Variants in SH3PXD2B observed in about 807,000 individuals in gnomAD.
The protein encoded by SH3PXD2B is SH3 and PX domains 2B.
A neutral mutation model predicts 73.1 loss-of-function variants in SH3PXD2B; 37 were observed. The ratio of observed to expected loss-of-function variants is 0.51; its 90% CI spans 0.39 to 0.67. The LOEUF (loss-of-function observed/expected upper bound fraction) is 0.67. SH3PXD2B is among the 30% of genes least tolerant of loss of function. The pLI, the probability that SH3PXD2B is intolerant of heterozygous loss-of-function variation, is 0.00. For missense variants in SH3PXD2B, 1,053 were observed against 1,197.8 expected, an observed-to-expected ratio of 0.88 and a Z score of 1.78; for synonymous variants, 457 against 480.5, an observed-to-expected ratio of 0.95 and a Z score of 0.64.
At chr5:172,359,170 T>C (rs540852927) in intron 7 of SH3PXD2B, among the ~76,000 whole-genome samples, 29 of 152,116 alleles carry the variant, frequency 1.9e-4, no homozygotes, top group African/African-American at 6.3e-4. Flanking sequence ...ATGGATTGCT[T>C]GAGTTCAGGA....
intron 6 of SH3PXD2B, among the ~76,000 whole-genome samples, chr5:172,364,878 G>C (rs970284371): frequency 5.3e-5 from 8 of 152,174 alleles, no homozygotes; most frequent in African/African-American, 1.9e-4. Context: ...CTCCACTGGA[G>C]AGCTGGTAGT....
chr5:172,391,842 T>A (rs1758195985), intron 4 of SH3PXD2B, among the ~76,000 whole-genome samples: 1 of 152,222 alleles, frequency 6.6e-6, no homozygotes, highest in Non-Finnish European at 1.5e-5. Flanking sequence ...TTTATCAGTT[T>A]TTCTTTAAAG....
Position 172,358,784 on chromosome 5 carries a change from T to C in SH3PXD2B, c.656A>G (p.Gln219Arg). The change falls in exon 8 of 13, where the codon CAG (glutamine) becomes CGG (arginine). Residue 219 changes from glutamine to arginine, a missense_variant. By Grantham distance (43) the Gln-to-Arg change is conservative (BLOSUM62 1). Around this residue, in one of 2 missense-constraint regions of SH3PXD2B, gnomAD observed 466 missense variants for 607.1 expected, o/e 0.77. Transcript: ENST00000311601. ...GAGCTCCTCCCTACCTTCTTCAGGC[T>C]GCAGAGAAAACTCATCCTGCACCCC... ...QDGVQDEFSL[Q>R]PEEEEKYTVI... is the part of the protein sequence containing the mutation. 1 of 1,612,768 alleles carries C rather than the reference T, an allele frequency of 6.2e-7. No homozygotes were observed. Among genetic ancestry groups the C allele is most frequent in the Non-Finnish European group, 8.5e-7 (1 of 1,179,548 alleles).
At chr5:172,346,814 C>G (rs1174277341) in intron 11 of SH3PXD2B, among the ~76,000 whole-genome samples, 1 of 152,026 alleles carries the variant, frequency 6.6e-6, no homozygotes, top group Non-Finnish European at 1.5e-5. Context: ...GACCCCGTCT[C>G]AAAAACCAAT....
chr5:172,350,219 G>A lies in SH3PXD2B; in HGVS notation c.1012+144C>T, dbSNP rs1757127766. 5.4e-5 allele frequency: 40 copies of A among 742,744 alleles called. No homozygotes were observed. In the South Asian group the frequency reaches 6.8e-4, roughly 13 times the overall value. 46.0% of individuals were successfully genotyped at this position (742,744 alleles called of 1,614,324 possible). On this transcript the variant is annotated intron_variant, in intron 10 of 12. Transcript: ENST00000311601. ...GAATGATCTGGAATAAGTTACCCGGGGTTTCTGGGCCTCTGTTTTCTTATC... is the reference window on the plus strand; with the variant it reads ...GAATGATCTGGAATAAGTTACCCGGAGTTTCTGGGCCTCTGTTTTCTTATC...
Position 172,337,955 on chromosome 5 carries a change from T to C in SH3PXD2B, c.*414A>G, listed in dbSNP as rs1756743081. 1 of 1,065,548 alleles carries C rather than the reference T, an allele frequency of 9.4e-7. No individual in the cohort carries two copies. 66.0% of individuals were successfully genotyped at this position (1,065,548 alleles called of 1,614,324 possible). The stretch of plus-strand genomic sequence containing the variant: ...GAAGAAGTTGGAGCAAAAGTCATCA[T>C]GGACTGGGTTGGCTGCCCCTTACTG... On this transcript the variant is annotated 3_prime_UTR_variant, in exon 13 of 13. Transcript: ENST00000311601.
chr5:172,416,136 G>C (rs926573418), intron 2 of SH3PXD2B, among the ~76,000 whole-genome samples: 1 of 152,146 alleles, frequency 6.6e-6, no homozygotes, highest in African/African-American at 2.4e-5. Flanking sequence ...GAGACCAGTC[G>C]GGGCAACAAA....
At chr5:172,357,663 C>G (rs1187706235) in intron 8 of SH3PXD2B, among the ~76,000 whole-genome samples, 1 of 152,122 alleles carries the variant, frequency 6.6e-6, no homozygotes, top group Non-Finnish European at 1.5e-5. Context: ...TACATCACGA[C>G]CCCTTAATCT....
intron 4 of SH3PXD2B, among the ~76,000 whole-genome samples, chr5:172,389,083 TCTCA>T (rs1758118569): frequency 6.7e-6 from 1 of 149,556 alleles, no homozygotes. Flanking sequence ...TGAGACTGAG[TCTCA>T]CTGTGTCACC....
chr5:172,394,445 T>A lies in SH3PXD2B; in HGVS notation c.309+118A>T, dbSNP rs1268221133. ...GATAATGAATGATTTTCCCCCTAAT[T>A]TCTTTACATTCCTTTGAATTGCACA... On this transcript the variant is annotated intron_variant, in intron 4 of 12. Coordinates refer to ENST00000311601, the MANE Select transcript of SH3PXD2B (RefSeq NM_001017995.3). 4 of 1,010,354 alleles carry A rather than the reference T, an allele frequency of 4.0e-6. No homozygotes were observed. The East Asian group carries it at 1.0e-4, about 26-fold the overall frequency. 62.6% of individuals were successfully genotyped at this position (1,010,354 alleles called of 1,614,324 possible). A position where few individuals can be genotyped will look rare whatever the true frequency, so the allele number is the denominator to read the frequency against.
chr5:172,439,672 G>A (rs75064889), intron 1 of SH3PXD2B, among the ~76,000 whole-genome samples: 14,098 of 118,516 alleles, frequency 0.12, 936 homozygotes, highest in African/African-American at 0.29. Flanking sequence ...ATGTGTGTGC[G>A]TGCGTGCGCG....
At chr5:172,373,874 CG>C in intron 5 of SH3PXD2B, 59 bp from the exon 6 acceptor site, 1 of 1,588,696 alleles carries the variant, frequency 6.3e-7, no homozygotes, top group South Asian at 1.1e-5. Flanking sequence ...CATGTATTGA[CG>C]TGAGTTATTC....
Position 172,454,411 on chromosome 5 carries a change from A to G in SH3PXD2B, c.-59T>C, listed in dbSNP as rs1759886141. ...GGTGCGGGTGGCGCGGGGTGCAGGG[A>G]GCGCTGGGGGCGCGCCGCCGCGGGC... On this transcript the variant is annotated 5_prime_UTR_variant, in exon 1 of 13. Coordinates refer to ENST00000311601, the MANE Select transcript of SH3PXD2B (RefSeq NM_001017995.3). 1.8e-6 allele frequency: 2 copies of G among 1,110,994 alleles called. No homozygotes were observed. The highest frequency in any genetic ancestry group is 1.1e-6 in the Non-Finnish European group (1 of 891,626). 68.8% of individuals were successfully genotyped at this position (1,110,994 alleles called of 1,614,324 possible). A position where few individuals can be genotyped will look rare whatever the true frequency, so the allele number is the denominator to read the frequency against.
intron 1 of SH3PXD2B, among the ~76,000 whole-genome samples, chr5:172,453,274 C>T (rs1219469444): frequency 2.0e-5 from 3 of 152,152 alleles, no homozygotes; most frequent in Non-Finnish European, 2.9e-5. Context: ...TTCTCTGCAG[C>T]CAGGCTCCGC....
chr5:172,414,836 T>A (rs1581321116), intron 2 of SH3PXD2B, among the ~76,000 whole-genome samples: 1 of 152,336 alleles, frequency 6.6e-6, no homozygotes, highest in South Asian at 2.1e-4. Flanking sequence ...GTTGGAATTC[T>A]GGAAGATGCC....
rs567168128 is a variant in SH3PXD2B at position 172,437,007 on chromosome 5, G to A, written c.76-14511C>T. 2.6e-5 allele frequency among the ~76,000 whole-genome samples: 4 copies of A among 152,284 alleles called. No homozygotes were observed. The East Asian group carries it at 7.7e-4, about 29-fold the overall frequency. On this transcript the variant is annotated intron_variant, in intron 1 of 12. Coordinates refer to ENST00000311601, the MANE Select transcript of SH3PXD2B (RefSeq NM_001017995.3). Reference sequence around the variant, plus strand: ...CCTCCATCAAGCTCCCACACTGGCTGGGTTCCCAGGTGGCAGATCCTGGGA... The same window carrying A: ...CCTCCATCAAGCTCCCACACTGGCTAGGTTCCCAGGTGGCAGATCCTGGGA...
At position 172,423,787 on chromosome 5, in the gene SH3PXD2B, C is replaced by T. The variant is rs146798468; in HGVS notation, c.76-1291G>A. On this transcript the variant is annotated intron_variant, in intron 1 of 12. Coordinates refer to ENST00000311601, the MANE Select transcript of SH3PXD2B (RefSeq NM_001017995.3). ...CCTCCCGAGTAGCTAGGATTACAGG[C>T]GAGCGCTACCGTGCCCGGCTAATTT... is the stretch of plus-strand genomic sequence containing the variant. 1.6e-3 allele frequency among the ~76,000 whole-genome samples: 250 copies of T among 152,186 alleles called. 1 individual carries two copies. The highest frequency in any genetic ancestry group is 5.6e-3 in the African/African-American group (232 of 41,514).
Position 172,376,027 on chromosome 5 carries a change from C to CT in SH3PXD2B, c.402-2213dup, listed in dbSNP as rs1239733447. 7.7e-3 allele frequency among the ~76,000 whole-genome samples: 1,122 copies of CT among 145,576 alleles called. 14 individuals are homozygous for CT. The highest frequency in any genetic ancestry group is 0.029 in the African/African-American group (1,076 of 37,298). On this transcript the variant is annotated intron_variant, in intron 5 of 12. Transcript: ENST00000311601. ...ATCCTTGACAATACTTGTCATGTAT[C>CT]TTCTTTTTTTTTTTTTTTTTGAGGT... is the stretch of plus-strand genomic sequence containing the variant.
At chr5:172,427,110 A>G (rs1470747123) in intron 1 of SH3PXD2B, among the ~76,000 whole-genome samples, 1 of 152,216 alleles carries the variant, frequency 6.6e-6, no homozygotes, top group Non-Finnish European at 1.5e-5. Context: ...CCATTGATGG[A>G]TGCGTGCATA....
Sources: gnomAD v4.1 joint callset for allele counts (sites outside exome capture counted in the v4.1 genomes callset) on GRCh38, gnomAD v4.1.1 for gene constraint, gnomAD v4.1.1 regional missense constraint, MANE v1.5 for transcripts, NCBI Gene and HGNC (gene_info 2026-07-23, HGNC 2026-07-21) for gene names.